Variants in DOCK11 observed in about 807,000 individuals in gnomAD.
The protein encoded by DOCK11 is dedicator of cytokinesis 11.
DOCK11 carries 70 observed loss-of-function variants against 169.1 expected under a neutral mutation model. The observed-to-expected ratio is 0.41, with a 90% CI of 0.34 to 0.51. The LOEUF (loss-of-function observed/expected upper bound fraction) is 0.51, where lower values mean the gene tolerates loss of function less well. Among genes scored for constraint, DOCK11 ranks in the 20% least tolerant of loss-of-function variants. The pLI is 0.10. For missense variants in DOCK11, 1,166 were observed against 1,538.8 expected (o/e 0.76, Z 4.05); for synonymous variants, 529 against 541.3 (o/e 0.98, Z 0.32).
intron 23 of DOCK11, among the ~76,000 whole-genome samples, chrX:118,601,514 C>G (rs2014338015): frequency 9.0e-6 from 1 of 110,925 alleles, no homozygotes; most frequent in Non-Finnish European, 1.9e-5. Flanking sequence ...TGTATGAATG[C>G]TTTGTTAAGG....
rs2014768202 is a variant in DOCK11 at position 118,614,792 on chromosome X, T to C, written c.3180+17T>C. 1 of 1,040,134 alleles carries C rather than the reference T, an allele frequency of 9.6e-7. No homozygotes were observed. Among genetic ancestry groups the C allele is most frequent in the African/African-American group, 1.9e-5 (1 of 52,991 alleles). 85.7% of individuals were successfully genotyped at this position (1,040,134 alleles called of 1,213,427 possible). On this transcript the variant is annotated intron_variant, in intron 29 of 52. Coordinates refer to ENST00000276202, the MANE Select transcript of DOCK11 (RefSeq NM_144658.4). ...GATCCTAAGGTAAGTTATAAGGACA[T>C]GATTGTAGTGGATGTCAGACATCTG...
rs139533594 is a variant in DOCK11 at position 118,608,309 on chromosome X, A to G, written c.2830A>G (p.Ile944Val). ...HETLATTMIAILKQSADFLSI... is the reference protein window; with the variant it reads ...HETLATTMIAVLKQSADFLSI... The stretch of plus-strand genomic sequence containing the variant: ...AACCCTGGCTACTACGATGATAGCA[A>G]TATTGAAACAGTCTGCAGATTTTTT... The change falls in exon 26 of 53, where the codon ATA becomes GTA. Residue 944 changes from isoleucine (I) to valine (V), a missense_variant. Ile to Val is a conservative substitution (Grantham distance 29). Transcript: ENST00000276202. 5.3e-5 allele frequency: 64 copies of G among 1,209,541 alleles called. No homozygotes were observed. The highest frequency in any genetic ancestry group is 6.9e-5 in the Non-Finnish European group (62 of 894,807).
At chrX:118,561,623 C>T (rs1228092470) in intron 7 of DOCK11, 106 bp downstream of exon 7, 4 of 812,543 alleles carry the variant, frequency 4.9e-6, no homozygotes, top group Admixed American at 3.6e-5. Flanking sequence ...AATCCCAGCA[C>T]TTTGAGAGGC....
chrX:118,585,020 ATATTAT>A lies in DOCK11; in HGVS notation c.1719-16_1719-11del. On this transcript the variant is annotated splice_polypyrimidine_tract_variant and intron_variant, in intron 15 of 52. Coordinates refer to ENST00000276202, the MANE Select transcript of DOCK11 (RefSeq NM_144658.4). ...CAGTAATCATAATTTTAACTCTAAA[ATATTAT>A]TATTTTATACCCAGGCCAGAAAAGA... is the stretch of plus-strand genomic sequence containing the variant. The A allele has an allele frequency of 8.4e-7, 1 of 1,194,282 alleles. No homozygotes were observed. Among genetic ancestry groups the A allele is most frequent in the South Asian group, 1.8e-5 (1 of 55,810 alleles).
chrX:118,541,434 T>C (rs936449052), intron 1 of DOCK11, among the ~76,000 whole-genome samples: 1 of 111,279 alleles, frequency 9.0e-6, no homozygotes, highest in African/African-American at 3.3e-5. Flanking sequence ...ATGATAGACA[T>C]TGAAGTCAGT....
intron 6 of DOCK11, 47 bp downstream of exon 6, chrX:118,546,163 A>G (rs375616068): frequency 4.0e-5 from 25 of 618,293 alleles, no homozygotes; most frequent in Non-Finnish European, 5.3e-5. Context: ...TGATATTGGC[A>G]TAAGTAGTCT....
At chrX:118,584,331 G>A (rs1342730879) in intron 14 of DOCK11, among the ~76,000 whole-genome samples, 1 of 111,943 alleles carries the variant, frequency 8.9e-6, no homozygotes, top group Non-Finnish European at 1.9e-5. Context: ...TTGCTTTCTT[G>A]TACTCAGTGT....
intron 22 of DOCK11, among the ~76,000 whole-genome samples, chrX:118,598,784 A>G (rs954544909): frequency 4.5e-5 from 5 of 112,137 alleles, no homozygotes; most frequent in South Asian, 3.6e-4. Context: ...TCTTTTCTTT[A>G]TCAGTTCACA....
chrX:118,631,432 G>A (rs1445430986), intron 35 of DOCK11, among the ~76,000 whole-genome samples: 2 of 111,314 alleles, frequency 1.8e-5, no homozygotes, highest in African/African-American at 6.5e-5. Context: ...TCAAGTTCTA[G>A]GAATGTACGA....
intron 40 of DOCK11, among the ~76,000 whole-genome samples, chrX:118,647,710 T>G (rs182431082): frequency 7.4e-4 from 39 of 52,360 alleles, no homozygotes; most frequent in African/African-American, 3.5e-3. Context: ...TATATAATAA[T>G]ATAATATATA....
chrX:118,660,590 G>A (rs911979212), intron 44 of DOCK11, among the ~76,000 whole-genome samples: 5 of 109,284 alleles, frequency 4.6e-5, no homozygotes, highest in Admixed American at 9.8e-5. Flanking sequence ...TCAGCCTCCC[G>A]AGTAGCTGGG....
chrX:118,579,629 ATC>A (rs1486906618), intron 13 of DOCK11, among the ~76,000 whole-genome samples: 1 of 111,810 alleles, frequency 8.9e-6, no homozygotes, highest in African/African-American at 3.3e-5. Flanking sequence ...TCTCCTTGTC[ATC>A]TCCCTGTGCC....
At chrX:118,586,030 C>A (rs1331858145) in intron 16 of DOCK11, among the ~76,000 whole-genome samples, 1 of 111,913 alleles carries the variant, frequency 8.9e-6, no homozygotes, top group Non-Finnish European at 1.9e-5. Context: ...GTGGTATCAC[C>A]TATCATGAGT....
chrX:118,529,889 T>C (rs1261494958), intron 1 of DOCK11, among the ~76,000 whole-genome samples: 2 of 111,191 alleles, frequency 1.8e-5, no homozygotes, highest in Admixed American at 1.9e-4. Flanking sequence ...CCCACCCTGA[T>C]TGGAGGACAT....
rs771521669 is a variant in DOCK11 at position 118,649,110 on chromosome X, T to C, written c.4564T>C (p.Leu1522=). 16 of 1,198,267 alleles carry C rather than the reference T, an allele frequency of 1.3e-5. No individual in the cohort carries two copies. The East Asian group carries it at 4.5e-4, about 33-fold the overall frequency. The change falls in exon 41 of 53, where the codon TTG becomes CTG. Residue 1522 remains leucine (L), a synonymous_variant. Coordinates refer to ENST00000276202, the MANE Select transcript of DOCK11 (RefSeq NM_144658.4). ...NFEYTKRKTF[L]RTHLQIIIAV... The stretch of plus-strand genomic sequence containing the variant: ...TGAGTATACCAAAAGGAAAACCTTT[T>C]TGAGGACACATCTACAGGTCAGTGA...
intron 1 of DOCK11, among the ~76,000 whole-genome samples, chrX:118,525,748 T>G (rs1056144824): frequency 8.9e-6 from 1 of 111,816 alleles, no homozygotes; most frequent in African/African-American, 3.3e-5. Context: ...AAAACCAAAT[T>G]AAGTTGATTG....
chrX:118,566,475 G>T (rs1280448805), intron 8 of DOCK11, 99 bp from the exon 9 acceptor site: 2 of 784,179 alleles, frequency 2.6e-6, no homozygotes, highest in Non-Finnish European at 1.8e-6. Flanking sequence ...AATAAATCTT[G>T]TAGGAGAGGA....
chrX:118,609,855 A>G (rs1432983289), intron 27 of DOCK11, among the ~76,000 whole-genome samples: 1 of 112,633 alleles, frequency 8.9e-6, no homozygotes, highest in African/African-American at 3.2e-5. Flanking sequence ...AGGAATCATA[A>G]AGCTAAGACT....
rs761759322 is a variant in DOCK11 at position 118,649,145 on chromosome X, C to T, written c.4581+18C>T. 2.5e-5 allele frequency: 29 copies of T among 1,143,254 alleles called. No individual in the cohort carries two copies. The highest frequency in any genetic ancestry group is 3.1e-5 in the East Asian group (1 of 32,657). 94.2% of individuals were successfully genotyped at this position (1,143,254 alleles called of 1,213,427 possible). A position where few individuals can be genotyped will look rare whatever the true frequency, so the allele number is the denominator to read the frequency against. On this transcript the variant is annotated intron_variant, in intron 41 of 52. Coordinates refer to ENST00000276202, the MANE Select transcript of DOCK11 (RefSeq NM_144658.4). ...ATCTACAGGTCAGTGAAAATAAAAG[C>T]GCCTCTTCATCTTTCTTCTCTTCAA...
Sources: gnomAD v4.1 joint callset for allele counts (sites outside exome capture counted in the v4.1 genomes callset) on GRCh38, gnomAD v4.1.1 for gene constraint, MANE v1.5 for transcripts, NCBI Gene and HGNC (gene_info 2026-07-23, HGNC 2026-07-21) for gene names.